DIAPH2: variants seen among roughly 807,000 people sequenced by gnomAD.
DIAPH2 encodes the protein diaphanous related formin 2.
In DIAPH2, 35 loss-of-function variants were observed where a neutral mutation model predicts 92.7. The ratio of observed to expected loss-of-function variants is 0.38; its 90% CI spans 0.29 to 0.50. The LOEUF (loss-of-function observed/expected upper bound fraction) is 0.50, where lower values mean the gene tolerates loss of function less well. DIAPH2 is among the 20% of genes least tolerant of loss of function. The probability of loss-of-function intolerance (pLI) is 0.94; values close to 1 mark genes in which losing one functional copy is unlikely to be tolerated. For missense variants in DIAPH2, 701 were observed against 819.5 expected, an observed-to-expected ratio of 0.86 and a Z score of 1.77; for synonymous variants, 301 against 280.4, an observed-to-expected ratio of 1.07 and a Z score of -0.73.
At chrX:96,938,218 T>G (rs1260675927) in intron 11 of DIAPH2, among the ~76,000 whole-genome samples, 1 of 111,765 alleles carries the variant, frequency 8.9e-6, no homozygotes, top group East Asian at 2.8e-4. Flanking sequence ...TTAATCTTTT[T>G]TCCTTCAATG....
At chrX:97,190,833 CAAAAAAA>C (rs34703572) in intron 22 of DIAPH2, among the ~76,000 whole-genome samples, 1 of 72,850 alleles carries the variant, frequency 1.4e-5, no homozygotes, top group African/African-American at 5.5e-5. Flanking sequence ...GACTCCATTT[CAAAAAAA>C]AAAAAAAAAA....
chrX:97,478,022 C>T (rs892906655), intron 26 of DIAPH2, among the ~76,000 whole-genome samples: 9 of 111,393 alleles, frequency 8.1e-5, no homozygotes, highest in African/African-American at 2.9e-4. Flanking sequence ...AATCTCAGCT[C>T]CCCAGGCCTA....
intron 4 of DIAPH2, among the ~76,000 whole-genome samples, chrX:96,807,978 A>G (rs1280468452): frequency 2.4e-5 from 2 of 84,627 alleles, no homozygotes; most frequent in African/African-American, 8.0e-5. Context: ...AAAAAAAAAA[A>G]AAAAAGTCTC....
chrX:97,149,227 T>C (rs1341205632), intron 22 of DIAPH2, among the ~76,000 whole-genome samples: 1 of 111,845 alleles, frequency 8.9e-6, no homozygotes, highest in Admixed American at 9.5e-5. Context: ...AAGAAAGTAT[T>C]AAACTAAGGT....
chrX:97,193,791 A>G (rs2067675635), intron 22 of DIAPH2, among the ~76,000 whole-genome samples: 1 of 112,164 alleles, frequency 8.9e-6, no homozygotes, highest in South Asian at 3.7e-4. Flanking sequence ...CTACCTACTC[A>G]CTTTGCTTTC....
chrX:97,214,179 A>G (rs1353175059), intron 22 of DIAPH2, among the ~76,000 whole-genome samples: 1 of 112,790 alleles, frequency 8.9e-6, no homozygotes, highest in African/African-American at 3.2e-5. Flanking sequence ...GACATTCCAT[A>G]GATCAAACTT....
At chrX:96,815,724 G>C (rs1251739093) in intron 4 of DIAPH2, among the ~76,000 whole-genome samples, 2 of 111,306 alleles carry the variant, frequency 1.8e-5, no homozygotes, top group Non-Finnish European at 3.8e-5. Flanking sequence ...GAGTGCAGTG[G>C]CACTATCTGG....
intron 22 of DIAPH2, among the ~76,000 whole-genome samples, chrX:97,142,052 T>C (rs1253827542): frequency 8.9e-6 from 1 of 111,947 alleles, no homozygotes; most frequent in Non-Finnish European, 1.9e-5. Context: ...ATGTTTGTAC[T>C]TTCATTTGAT....
At chrX:96,780,375 A>G (rs973788955) in intron 4 of DIAPH2, among the ~76,000 whole-genome samples, 7 of 112,654 alleles carry the variant, frequency 6.2e-5, no homozygotes, top group Admixed American at 5.6e-4. Context: ...ATGTAAATTT[A>G]GTATACCCAT....
intron 22 of DIAPH2, among the ~76,000 whole-genome samples, chrX:97,158,118 C>A (rs919012969): frequency 8.9e-6 from 1 of 111,907 alleles, no homozygotes; most frequent in Non-Finnish European, 1.9e-5. Context: ...CATCTTCATT[C>A]TATTGCCTTA....
At chrX:97,146,108 AT>A (rs1276364298) in intron 22 of DIAPH2, among the ~76,000 whole-genome samples, 1 of 100,607 alleles carries the variant, frequency 9.9e-6, no homozygotes, top group Non-Finnish European at 2.0e-5. Flanking sequence ...GGTCAAGCCA[AT>A]TACCTCTTAT....
intron 22 of DIAPH2, among the ~76,000 whole-genome samples, chrX:97,180,501 T>C (rs1384817462): frequency 8.9e-6 from 1 of 112,022 alleles, no homozygotes; most frequent in Non-Finnish European, 1.9e-5. Context: ...AGAAGCTCTT[T>C]AGTTTAATTA....
intron 26 of DIAPH2, among the ~76,000 whole-genome samples, chrX:97,487,592 TC>T (rs2070697921): frequency 8.9e-6 from 1 of 111,954 alleles, no homozygotes; most frequent in Admixed American, 9.5e-5. Flanking sequence ...TTCGGACATA[TC>T]CCCAGAAGAG....
intron 4 of DIAPH2, among the ~76,000 whole-genome samples, chrX:96,802,305 C>T (rs919323867): frequency 5.4e-5 from 6 of 111,735 alleles, no homozygotes; most frequent in Non-Finnish European, 1.1e-4. Flanking sequence ...ACACAGCTTT[C>T]GTAAAACAAA....
rs1280074551 is a variant in DIAPH2, at chrX:97,476,984, T to TATACACAC, written c.3241+47240_3241+47241insTACACACA. Among the ~76,000 whole-genome samples, 87 of 57,066 alleles carry TATACACAC rather than the reference T, an allele frequency of 1.5e-3. 1 individual carries two copies. Among genetic ancestry groups the TATACACAC allele is most frequent in the African/African-American group, 7.2e-3 (84 of 11,660 alleles). The allele number at this position is 57,066 out of a possible 115,157, so 49.6% of individuals were successfully genotyped here. ...AAAAAAAAAAATATATATATATATA[T>TATACACAC]ACACACACACACACACACACACACA... is the stretch of plus-strand genomic sequence containing the variant. On this transcript the variant is annotated intron_variant, in intron 26 of 26. Transcript: ENST00000324765.
At chrX:97,138,719 A>G (rs759789792) in intron 21 of DIAPH2, among the ~76,000 whole-genome samples, 256 of 111,710 alleles carry the variant, frequency 2.3e-3, no homozygotes, top group Non-Finnish European at 3.6e-3. Context: ...TATTGTTTGA[A>G]GATATATAAA....
intron 22 of DIAPH2, among the ~76,000 whole-genome samples, chrX:97,245,088 TAAA>T (rs34947451): frequency 1.1e-5 from 1 of 94,620 alleles, no homozygotes; most frequent in Admixed American, 1.2e-4. Context: ...AGACTCCGTC[TAAA>T]AAAAAAAAAA....
In DIAPH2 at chrX:97,312,228, A is replaced by T. The variant is rs770840487; in HGVS notation, c.2845-35888A>T. Among the ~76,000 whole-genome samples the T allele has an allele frequency of 3.6e-5, 4 of 110,754 alleles. No homozygotes were observed. The East Asian group carries it at 1.1e-3, about 31-fold the overall frequency. The stretch of plus-strand genomic sequence containing the variant: ...AGCTTGGAGGTTAAAAGCAAGATGA[A>T]GTTGGTTAGGTCAGATGTCTTTCAC... On this transcript the variant is annotated intron_variant, in intron 23 of 26. Transcript: ENST00000324765.
At chrX:96,778,018 G>T (rs1390656284) in intron 4 of DIAPH2, among the ~76,000 whole-genome samples, 2 of 98,327 alleles carry the variant, frequency 2.0e-5, no homozygotes, top group African/African-American at 7.5e-5. Flanking sequence ...ATCTCCTAAT[G>T]CTATCCCTCC....
Sources: gnomAD v4.1 joint callset for allele counts (sites outside exome capture counted in the v4.1 genomes callset) on GRCh38, gnomAD v4.1.1 for gene constraint, MANE v1.5 for transcripts, NCBI Gene and HGNC (gene_info 2026-07-23, HGNC 2026-07-21) for gene names.